The following TRIO variants were observed in gnomAD, a reference collection of about 807,000 sequenced individuals.
TRIO encodes the protein trio Rho guanine nucleotide exchange factor.
TRIO carries 58 observed loss-of-function variants against 351.9 expected under a neutral mutation model. The ratio of observed to expected loss-of-function variants is 0.16; its 90% CI spans 0.13 to 0.21. TRIO has a LOEUF of 0.21. Ranked by LOEUF, TRIO falls within the 10% of genes least tolerant of loss-of-function variation. The pLI is 1.00. For missense variants in TRIO, 3,201 were observed against 4,027.8 expected (o/e 0.79, Z 5.56); for synonymous variants, 1,758 against 1,595.7 (o/e 1.10, Z -2.42).
intron 9 of TRIO, among the ~76,000 whole-genome samples, chr5:14,327,068 C>T (rs1357168691): frequency 2.0e-5 from 3 of 152,164 alleles, no homozygotes; most frequent in Non-Finnish European, 4.4e-5. Flanking sequence ...AAGAAAAATG[C>T]CCATTATAAT....
At chr5:14,457,454 A>G (rs1380548517) in intron 34 of TRIO, among the ~76,000 whole-genome samples, 1 of 139,124 alleles carries the variant, frequency 7.2e-6, no homozygotes, top group Non-Finnish European at 1.5e-5. Flanking sequence ...TTAACCTGCC[A>G]GGTAAGCAGG....
rs563297074 is a variant in TRIO at position 14,391,057 on chromosome 5, A to G, written c.4218+67A>G. On this transcript the variant is annotated intron_variant, in intron 27 of 56. Coordinates refer to ENST00000344204, the MANE Select transcript of TRIO (RefSeq NM_007118.4). The stretch of plus-strand genomic sequence containing the variant: ...GTGTACATAAAATGCGGCATTACTC[A>G]TAACTTTCACCTAATTGATAGTACA... 2.4e-6 allele frequency: 3 copies of G among 1,265,886 alleles called. No individual in the cohort carries two copies. The African/African-American group carries it at 4.6e-5, about 19-fold the overall frequency. 78.4% of individuals were successfully genotyped at this position (1,265,886 alleles called of 1,614,324 possible).
rs186546500 is a variant in TRIO, at chr5:14,332,284, T to C, written c.1854+1384T>C. Among the ~76,000 whole-genome samples the C allele has an allele frequency of 2.6e-5, 4 of 152,340 alleles. No homozygotes were observed. The East Asian group carries it at 7.7e-4, about 29-fold the overall frequency. On this transcript the variant is annotated intron_variant, in intron 10 of 56. Coordinates refer to ENST00000344204, the MANE Select transcript of TRIO (RefSeq NM_007118.4). Reference sequence around the variant, plus strand: ...TCGTATGTGCCACGTAATTATCTTGTCTTCCTGGATAAAAGAGTTTGTCAT... The same window carrying C: ...TCGTATGTGCCACGTAATTATCTTGCCTTCCTGGATAAAAGAGTTTGTCAT...
chr5:14,334,281 G>T (rs367647367), intron 10 of TRIO, among the ~76,000 whole-genome samples: 1 of 152,108 alleles, frequency 6.6e-6, no homozygotes, highest in Non-Finnish European at 1.5e-5. Flanking sequence ...TCTCGTTCCC[G>T]GGAAAACCTG....
At chr5:14,202,320 TTTTTTTTTTTGC>T (rs1455716315) in intron 1 of TRIO, among the ~76,000 whole-genome samples, 8 of 93,630 alleles carry the variant, frequency 8.5e-5, no homozygotes, top group East Asian at 5.8e-4. Context: ...TTTTTTTTTT[TTTTTTTTTTTGC>T]TCATCAGCTA....
intron 1 of TRIO, among the ~76,000 whole-genome samples, chr5:14,168,915 C>G (rs1361148004): frequency 6.6e-6 from 1 of 152,182 alleles, no homozygotes; most frequent in Non-Finnish European, 1.5e-5. Flanking sequence ...GGCGGCAGAC[C>G]GTAGTCTTTG....
Position 14,303,232 on chromosome 5 carries a change from C to T in TRIO, c.1369-1229C>T, listed in dbSNP as rs1213958829. Among the ~76,000 whole-genome samples the T allele has an allele frequency of 2.4e-5, 3 of 124,562 alleles. 1 individual carries two copies. The highest frequency in any genetic ancestry group is 5.3e-5 in the Non-Finnish European group (3 of 56,078). 81.7% of individuals were successfully genotyped at this position (124,562 alleles called of 152,430 possible). The stretch of plus-strand genomic sequence containing the variant: ...GGGGGTGTCAGTGGAGGAGATTGAG[C>T]CGGGATTGGGATGGCTGCCGCAGGA... On this transcript the variant is annotated intron_variant, in intron 7 of 56. Coordinates refer to ENST00000344204, the MANE Select transcript of TRIO (RefSeq NM_007118.4).
At chr5:14,259,789 GT>G (rs35558584) in intron 1 of TRIO, among the ~76,000 whole-genome samples, 3 of 149,060 alleles carry the variant, frequency 2.0e-5, no homozygotes, top group South Asian at 2.1e-4. Context: ...CAGGTTTTTT[GT>G]TTTTTTTTTG....
At chr5:14,470,003 G>A (rs1401143994) in intron 37 of TRIO, among the ~76,000 whole-genome samples, 1 of 152,220 alleles carries the variant, frequency 6.6e-6, no homozygotes, top group African/African-American at 2.4e-5. Context: ...CTCAAAAACA[G>A]ATGTGATCTG....
chr5:14,440,183 T>C (rs1443539714), intron 34 of TRIO, among the ~76,000 whole-genome samples: 4 of 152,196 alleles, frequency 2.6e-5, no homozygotes, highest in African/African-American at 9.6e-5. Flanking sequence ...TTCAAGATAG[T>C]ACATGTTTTC....
intron 55 of TRIO, among the ~76,000 whole-genome samples, chr5:14,506,548 T>TC (rs1757700021): frequency 6.6e-6 from 1 of 152,068 alleles, no homozygotes; most frequent in Non-Finnish European, 1.5e-5. Context: ...TCACAGAGAG[T>TC]CATAAGGATT....
intron 34 of TRIO, among the ~76,000 whole-genome samples, chr5:14,444,829 T>G (rs1418478234): frequency 6.6e-6 from 1 of 152,162 alleles, no homozygotes; most frequent in Non-Finnish European, 1.5e-5. Flanking sequence ...GAATATAAAA[T>G]CTTGAAATAT....
intron 4 of TRIO, among the ~76,000 whole-genome samples, chr5:14,288,343 C>A (rs1318510823): frequency 6.6e-6 from 1 of 152,172 alleles, no homozygotes; most frequent in African/African-American, 2.4e-5. Context: ...CTCTCTCTCC[C>A]CACCCAGTGA....
At chr5:14,273,240 A>G (rs1735191686) in intron 2 of TRIO, among the ~76,000 whole-genome samples, 1 of 152,240 alleles carries the variant, frequency 6.6e-6, no homozygotes, top group Non-Finnish European at 1.5e-5. Flanking sequence ...GGAGCTTTGT[A>G]AAAGTAGGCC....
intron 1 of TRIO, among the ~76,000 whole-genome samples, chr5:14,153,445 T>TA (rs1191143889): frequency 6.6e-6 from 1 of 152,248 alleles, no homozygotes; most frequent in Non-Finnish European, 1.5e-5. Context: ...CCCAAAGCTG[T>TA]AAGTCCCATC....
At chr5:14,311,485 C>T (rs1030176643) in intron 8 of TRIO, among the ~76,000 whole-genome samples, 2 of 152,206 alleles carry the variant, frequency 1.3e-5, no homozygotes, top group African/African-American at 2.4e-5. Context: ...ACACACATGA[C>T]CTTTCAGGAG....
At chr5:14,462,091 AAAAAG>A (rs1753864793) in intron 35 of TRIO, among the ~76,000 whole-genome samples, 1 of 152,232 alleles carries the variant, frequency 6.6e-6, no homozygotes, top group African/African-American at 2.4e-5. Context: ...CACAGGTTCG[AAAAAG>A]AAAAGGCAGA....
At chr5:14,307,860 T>C (rs973766995) in intron 8 of TRIO, among the ~76,000 whole-genome samples, 3 of 152,350 alleles carry the variant, frequency 2.0e-5, no homozygotes, top group African/African-American at 7.2e-5. Context: ...AAGAATGAGC[T>C]GTATTTCCTT....
chr5:14,363,712 T>C lies in TRIO; in HGVS notation c.2392-20T>C. On this transcript the variant is annotated intron_variant, in intron 13 of 56. Coordinates refer to ENST00000344204, the MANE Select transcript of TRIO (RefSeq NM_007118.4). ...TGCATGTATATTTTTTTTGTCTTGA[T>C]CTTAAATACCTTCTTTCAGATTATC... 1 of 1,606,632 alleles carries C rather than the reference T, an allele frequency of 6.2e-7. No individual in the cohort carries two copies. Among genetic ancestry groups the C allele is most frequent in the Non-Finnish European group, 8.5e-7 (1 of 1,174,690 alleles).
Sources: gnomAD v4.1 joint callset for allele counts (sites outside exome capture counted in the v4.1 genomes callset) on GRCh38, gnomAD v4.1.1 for gene constraint, MANE v1.5 for transcripts, NCBI Gene and HGNC (gene_info 2026-07-23, HGNC 2026-07-21) for gene names.